ZNF492: variants seen among roughly 807,000 people sequenced by gnomAD.
ZNF492 encodes the protein zinc finger protein 115 (Y20).
A neutral mutation model predicts 6.4 loss-of-function variants in ZNF492; 3 were observed. The ratio of observed to expected loss-of-function variants is 0.47; its 90% CI spans 0.21 to 1.22. ZNF492 has a LOEUF of 1.22. Among genes scored for constraint, ZNF492 ranks in the 50% most tolerant of loss-of-function variants. The probability of loss-of-function intolerance (pLI) is 0.22; values close to 1 mark genes in which losing one functional copy is unlikely to be tolerated. For missense variants in ZNF492, 356 were observed against 612.5 expected, an observed-to-expected ratio of 0.58 and a Z score of 4.42; for synonymous variants, 112 against 205.3, an observed-to-expected ratio of 0.55 and a Z score of 3.89.
rs1972144069 is a variant in ZNF492, at chr19:22,667,538, C to T, written c.*2273C>T. ...TTTATTTTTTGTATTATGAACAGTT[C>T]AATTGTACAGTTTTAGTTTTTTTAA... On this transcript the variant is annotated 3_prime_UTR_variant, in exon 4 of 4. Transcript: ENST00000456783. 1.3e-5 allele frequency: 2 copies of T among 151,524 alleles called. No individual in the cohort carries two copies. Among genetic ancestry groups the T allele is most frequent in the Non-Finnish European group, 2.9e-5 (2 of 67,894 alleles). The allele number at this position is 151,524 out of a possible 1,614,324, so 9.4% of individuals were successfully genotyped here.
intron 1 of ZNF492, among the ~76,000 whole-genome samples, chr19:22,641,634 TTTAGGTC>T (rs1971826137): frequency 6.6e-6 from 1 of 152,044 alleles, no homozygotes; most frequent in Non-Finnish European, 1.5e-5. Flanking sequence ...AAGTGTTGAG[TTTAGGTC>T]TTAATATCTT....
At chr19:22,647,269 T>C (rs1271729391) in intron 1 of ZNF492, among the ~76,000 whole-genome samples, 2 of 150,446 alleles carry the variant, frequency 1.3e-5, no homozygotes, top group African/African-American at 2.5e-5. Flanking sequence ...TGTTTTTTTT[T>C]TTTTTAGGCA....
chr19:22,667,442 A>G lies in ZNF492; in HGVS notation c.*2177A>G, dbSNP rs1040422838. On this transcript the variant is annotated 3_prime_UTR_variant, in exon 4 of 4. Transcript: ENST00000456783. Reference sequence around the variant, plus strand: ...ATATAATATTTATGTTATATATGGCATATTCTGATAAGAGGCATACAATAT... The same window carrying G: ...ATATAATATTTATGTTATATATGGCGTATTCTGATAAGAGGCATACAATAT... 2 of 152,016 alleles carry G rather than the reference A, an allele frequency of 1.3e-5. No homozygotes were observed. The highest frequency in any genetic ancestry group is 4.8e-5 in the African/African-American group (2 of 41,410). The allele number at this position is 152,016 out of a possible 1,614,324, so 9.4% of individuals were successfully genotyped here.
chr19:22,658,709 A>T (rs1972022758), intron 3 of ZNF492, among the ~76,000 whole-genome samples: 1 of 141,838 alleles, frequency 7.1e-6, no homozygotes, highest in African/African-American at 2.9e-5. Context: ...TGTATTTCAA[A>T]TTATATCTGC....
At chr19:22,638,406 A>T (rs1466251582) in intron 1 of ZNF492, among the ~76,000 whole-genome samples, 6 of 152,124 alleles carry the variant, frequency 3.9e-5, no homozygotes, top group Non-Finnish European at 1.5e-5. Context: ...GTGTAATGAA[A>T]GGGTCCAGTT....
At chr19:22,644,062 G>A (rs1971853970) in intron 1 of ZNF492, among the ~76,000 whole-genome samples, 1 of 151,002 alleles carries the variant, frequency 6.6e-6, no homozygotes, top group Non-Finnish European at 1.5e-5. Context: ...AATGGGTGGA[G>A]TTTTTTCTGT....
chr19:22,647,727 GTTTTTTT>G (rs71180575), intron 1 of ZNF492, among the ~76,000 whole-genome samples: 1 of 92,576 alleles, frequency 1.1e-5, no homozygotes, highest in African/African-American at 4.8e-5. Flanking sequence ...AGCTCTTTTA[GTTTTTTT>G]TTTTTTTTTT....
At chr19:22,662,519 A>G (rs550132778) in intron 3 of ZNF492, among the ~76,000 whole-genome samples, 1 of 152,364 alleles carries the variant, frequency 6.6e-6, no homozygotes, top group African/African-American at 2.4e-5. Context: ...ACTGTCTTCC[A>G]CAATGGTTGA....
Position 22,665,378 on chromosome 19 carries a change from T to G in ZNF492, c.*113T>G. 7 of 1,478,710 alleles carry G rather than the reference T, an allele frequency of 4.7e-6. No individual in the cohort carries two copies. The highest frequency in any genetic ancestry group is 6.3e-6 in the Non-Finnish European group (7 of 1,115,974). The allele number at this position is 1,478,710 out of a possible 1,614,324, so 91.6% of individuals were successfully genotyped here. Reference sequence around the variant, plus strand: ...TGTGAATGAACAGTGTGGCAAAACTTACACAATGCTCAAACCTTATTGCAC... The same window carrying G: ...TGTGAATGAACAGTGTGGCAAAACTGACACAATGCTCAAACCTTATTGCAC... On this transcript the variant is annotated 3_prime_UTR_variant, in exon 4 of 4. Transcript: ENST00000456783.
intron 3 of ZNF492, 40 bp from the exon 4 acceptor site, chr19:22,663,760 G>T: frequency 6.9e-7 from 1 of 1,448,020 alleles, no homozygotes; most frequent in Non-Finnish European, 9.1e-7. Context: ...ATTCGTCTGA[G>T]TCAGTAAGTG....
intron 3 of ZNF492, among the ~76,000 whole-genome samples, chr19:22,660,425 T>G (rs201758456): frequency 0.11 from 16,090 of 150,282 alleles, 941 homozygotes; most frequent in East Asian, 0.16. Context: ...ATTTTTTTTT[T>G]TGGTGGCACC....
intron 3 of ZNF492, among the ~76,000 whole-genome samples, chr19:22,657,504 CTT>C (rs895954736): frequency 1.3e-5 from 2 of 151,986 alleles, no homozygotes; most frequent in African/African-American, 4.8e-5. Context: ...TTATCTGAAA[CTT>C]TTACTGCATT....
chr19:22,664,040 A>T lies in ZNF492; in HGVS notation c.371A>T (p.Lys124Ile), dbSNP rs1238091505. 1 of 1,604,860 alleles carries T rather than the reference A, an allele frequency of 6.2e-7. No homozygotes were observed. The highest frequency in any genetic ancestry group is 1.7e-5 in the Admixed American group (1 of 57,318). The change falls in exon 4 of 4, where the codon AAA (lysine) becomes ATA (isoleucine). Residue 124 changes from lysine to isoleucine, a missense_variant. Transcript: ENST00000456783. ...QCDKYVKVFH[K>I]FSNSNRHTIR... is the part of the protein sequence containing the mutation. ...GACAAATATGTGAAAGTCTTTCATA[A>T]ATTTTCAAATTCAAACAGACATACG...
intron 3 of ZNF492, among the ~76,000 whole-genome samples, chr19:22,663,418 A>G (rs2145263248): frequency 6.6e-6 from 1 of 152,360 alleles, no homozygotes; most frequent in Admixed American, 6.5e-5. Context: ...AGCCCCTGCC[A>G]TTGAGAAATA....
intron 3 of ZNF492, among the ~76,000 whole-genome samples, chr19:22,657,510 C>G (rs1046158770): frequency 2.6e-5 from 4 of 152,030 alleles, no homozygotes; most frequent in Non-Finnish European, 5.9e-5. Flanking sequence ...GAAACTTTTA[C>G]TGCATTACAG....
Position 22,663,992 on chromosome 19 carries a change from C to G in ZNF492, c.323C>G (p.Thr108Ser), listed in dbSNP as rs1195466535. ...YNGLNQCLTT[T>S]QNKIFQCDKY... ...GGACTTAACCAGTGTTTGACGACTA[C>G]CCAGAACAAAATATTTCAATGTGAC... The change falls in exon 4 of 4, where the codon ACC becomes AGC. Residue 108 changes from threonine (T) to serine (S), a missense_variant. Transcript: ENST00000456783. 1 of 1,611,670 alleles carries G rather than the reference C, an allele frequency of 6.2e-7. No homozygotes were observed. Among genetic ancestry groups the G allele is most frequent in the Non-Finnish European group, 8.5e-7 (1 of 1,178,774 alleles).
chr19:22,640,107 G>C (rs557835940), intron 1 of ZNF492, among the ~76,000 whole-genome samples: 2 of 151,786 alleles, frequency 1.3e-5, no homozygotes, highest in South Asian at 4.2e-4. Flanking sequence ...ACATACTTTT[G>C]TGCTTTCTGT....
At chr19:22,662,982 T>C (rs577092724) in intron 3 of ZNF492, among the ~76,000 whole-genome samples, 5 of 152,322 alleles carry the variant, frequency 3.3e-5, no homozygotes, top group African/African-American at 1.2e-4. Context: ...CCATTGCTTT[T>C]GGTGTTTTAG....
Position 22,667,447 on chromosome 19 carries a change from C to T in ZNF492, c.*2182C>T, listed in dbSNP as rs901533455. The T allele has an allele frequency of 4.0e-5, 6 of 151,836 alleles. No individual in the cohort carries two copies. The highest frequency in any genetic ancestry group is 1.4e-4 in the African/African-American group (6 of 41,434). 9.4% of individuals were successfully genotyped at this position (151,836 alleles called of 1,614,324 possible). A position where few individuals can be genotyped will look rare whatever the true frequency, so the allele number is the denominator to read the frequency against. ...ATATTTATGTTATATATGGCATATT[C>T]TGATAAGAGGCATACAATATGTAAT... On this transcript the variant is annotated 3_prime_UTR_variant, in exon 4 of 4. Coordinates refer to ENST00000456783, the MANE Select transcript of ZNF492 (RefSeq NM_020855.3).
Sources: allele counts gnomAD v4.1 joint callset (sites outside exome capture counted in the v4.1 genomes callset), GRCh38; gene constraint gnomAD v4.1.1; transcripts MANE v1.5; gene names NCBI Gene and HGNC (gene_info 2026-07-23, HGNC 2026-07-21).